The following EPS15L1 variants were observed in gnomAD, a reference collection of about 807,000 sequenced individuals.
EPS15L1 encodes epidermal growth factor receptor pathway substrate 15 like 1, also known as epidermal growth factor receptor substrate 15-like 1.
EPS15L1 carries 43 observed loss-of-function variants against 117.1 expected under a neutral mutation model. The observed-to-expected ratio is 0.37, with a 90% confidence interval of 0.29 to 0.47. The LOEUF is 0.47. Among genes scored for constraint, EPS15L1 ranks in the 20% least tolerant of loss-of-function variants. EPS15L1 has a pLI of 0.99. For synonymous variants in EPS15L1, 459 were observed against 470.5 expected (o/e 0.98, Z 0.32); for missense variants, 981 against 1,164.0 (o/e 0.84, Z 2.29).
intron 23 of EPS15L1, among the ~76,000 whole-genome samples, chr19:16,356,070 TTGAG>T (rs1434367079): frequency 6.6e-6 from 1 of 152,236 alleles, no homozygotes; most frequent in African/African-American, 2.4e-5. Flanking sequence ...ATGCATGTGA[TTGAG>T]TGTGACCTTA....
intron 17 of EPS15L1, 58 bp downstream of exon 17, chr19:16,395,286 T>C: frequency 6.5e-7 from 1 of 1,544,542 alleles, no homozygotes; most frequent in South Asian, 1.2e-5. Flanking sequence ...AGAACCACTC[T>C]AAATTCGACA....
intron 15 of EPS15L1, among the ~76,000 whole-genome samples, chr19:16,403,218 C>T (rs567986813): frequency 1.3e-5 from 2 of 152,080 alleles, no homozygotes; most frequent in African/African-American, 4.8e-5. Flanking sequence ...CTGCAGGCCA[C>T]GAGAAGCCAG....
intron 19 of EPS15L1, among the ~76,000 whole-genome samples, chr19:16,391,194 T>C (rs954198460): frequency 6.6e-5 from 10 of 151,258 alleles, no homozygotes; most frequent in Middle Eastern, 3.2e-3. Context: ...TAACCCCAAA[T>C]AAATAGGAGT....
chr19:16,441,979 G>A lies in EPS15L1; in HGVS notation c.78C>T (p.Val26=), dbSNP rs146599765. 102 of 1,611,726 alleles carry A rather than the reference G, an allele frequency of 6.3e-5. No individual in the cohort carries two copies. In the African/African-American group the frequency reaches 8.8e-4, roughly 14 times the overall value. The part of the protein sequence containing the change: ...NSLYESYYKQ[V]DPAYTGRVGA... ...CCACCCTCCCTGTGTATGCCGGATC[G>A]ACCTGAAATGGGAGACCAAGAGGCA... Residue 26 remains valine, a splice_region_variant and synonymous_variant, in exon 3 of 24, where the codon GTC becomes GTT. Transcript: ENST00000455140.
Position 16,380,074 on chromosome 19 carries a change from C to T in EPS15L1, c.2248-2820G>A, listed in dbSNP as rs116405553. The stretch of plus-strand genomic sequence containing the variant: ...GCTCCAGTGTCTAGTCACACAGATG[C>T]GGCTGCCAAAGGCTCTGGCATCTGG... On this transcript the variant is annotated intron_variant, in intron 21 of 23. Coordinates refer to ENST00000455140, the MANE Select transcript of EPS15L1 (RefSeq NM_001258374.3). Among the ~76,000 whole-genome samples, 685 of 152,168 alleles carry T rather than the reference C, an allele frequency of 4.5e-3. 8 individuals are homozygous for T. Among genetic ancestry groups the T allele is most frequent in the African/African-American group, 0.015 (640 of 41,520 alleles).
At chr19:16,463,247 A>T (rs1035219354) in intron 1 of EPS15L1, among the ~76,000 whole-genome samples, 1 of 151,870 alleles carries the variant, frequency 6.6e-6, no homozygotes, top group South Asian at 2.1e-4. Flanking sequence ...CCCACCAGGC[A>T]CTCCCACTGC....
chr19:16,466,942 G>A (rs969917046), intron 1 of EPS15L1, among the ~76,000 whole-genome samples: 5 of 151,532 alleles, frequency 3.3e-5, no homozygotes, highest in South Asian at 2.1e-4. Flanking sequence ...GAGCACATGC[G>A]TCACACGGCA....
chr19:16,469,578 T>G (rs893251751), intron 1 of EPS15L1, among the ~76,000 whole-genome samples: 4 of 151,970 alleles, frequency 2.6e-5, no homozygotes, highest in Non-Finnish European at 4.4e-5. Context: ...GAATTTACGT[T>G]GATATTCAGG....
In EPS15L1 at chr19:16,428,363, ACTCCAT is replaced by A. The variant is rs1241024347; in HGVS notation, c.558+333_558+338del. 1.3e-5 allele frequency among the ~76,000 whole-genome samples: 2 copies of A among 149,084 alleles called. 1 individual carries two copies. On this transcript the variant is annotated intron_variant, in intron 8 of 23. Transcript: ENST00000455140. Reference sequence around the variant, plus strand: ...AATGCCAGCCTGGCGATAGAGTGAGACTCCATCTAAAAACAAAAAAAAAAAGAAAGA... The same window carrying A: ...AATGCCAGCCTGGCGATAGAGTGAGACTAAAAACAAAAAAAAAAAGAAAGA...
chr19:16,408,619 C>T lies in EPS15L1; in HGVS notation c.1267-3870G>A, dbSNP rs559445188. On this transcript the variant is annotated intron_variant, in intron 13 of 23. Coordinates refer to ENST00000455140, the MANE Select transcript of EPS15L1 (RefSeq NM_001258374.3). Reference sequence around the variant, plus strand: ...TGGTTGCAGTGAGCCGAGATTGCGCCACTGCACTCCAGCCTGAGTGACAGT... The same window carrying T: ...TGGTTGCAGTGAGCCGAGATTGCGCTACTGCACTCCAGCCTGAGTGACAGT... Among the ~76,000 whole-genome samples the T allele has an allele frequency of 3.3e-5, 5 of 151,090 alleles. No individual in the cohort carries two copies. The East Asian group carries it at 9.8e-4, about 29-fold the overall frequency.
At chr19:16,433,277 A>C (rs973776186) in intron 7 of EPS15L1, among the ~76,000 whole-genome samples, 6 of 151,830 alleles carry the variant, frequency 4.0e-5, no homozygotes, top group Non-Finnish European at 7.4e-5. Context: ...ACAGGCGAAC[A>C]CCACCACACC....
intron 1 of EPS15L1, among the ~76,000 whole-genome samples, chr19:16,459,203 A>G (rs1176490234): frequency 6.6e-6 from 1 of 152,168 alleles, no homozygotes; most frequent in Admixed American, 6.6e-5. Flanking sequence ...TGCATTCCCT[A>G]TGCTTGGGGC....
intron 3 of EPS15L1, chr19:16,441,667 A>T: frequency 2.5e-6 from 1 of 392,688 alleles, no homozygotes; most frequent in Non-Finnish European, 4.5e-6. Context: ...CAAGCTATCA[A>T]GACCCCAAAA....
chr19:16,413,122 G>A, intron 13 of EPS15L1: 1 of 675,378 alleles, frequency 1.5e-6, no homozygotes, highest in Non-Finnish European at 2.7e-6. Context: ...GGTATTAAGT[G>A]CTCCAAGGAG....
chr19:16,392,113 G>A (rs1351653567), intron 19 of EPS15L1, among the ~76,000 whole-genome samples, 191 bp downstream of exon 19: 2 of 152,140 alleles, frequency 1.3e-5, no homozygotes, highest in African/African-American at 4.8e-5. Context: ...GCAGTGACTA[G>A]GCCAGTGAGC....
At chr19:16,452,492 C>T (rs1464553936) in intron 1 of EPS15L1, among the ~76,000 whole-genome samples, 1 of 150,532 alleles carries the variant, frequency 6.6e-6, no homozygotes, top group East Asian at 1.9e-4. Flanking sequence ...TAGTGGCACT[C>T]GCCTGTAGTC....
chr19:16,421,326 G>A lies in EPS15L1; in HGVS notation c.943C>T (p.His315Tyr), dbSNP rs1266669719. The change falls in exon 10 of 24, where the codon CAC becomes TAC. Residue 315 changes from histidine (H) to tyrosine (Y), a missense_variant. By Grantham distance (83) the His-to-Tyr change is moderately conservative (BLOSUM62 2). Transcript: ENST00000455140. ...CCACCTGTCCGGCCTTACCATATGT[G>A]TGCTAGAAGGTTCTGGGTGAGGCCC... ...HSGLTQNLLA[H>Y]IWALADTRQT... is the part of the protein sequence containing the mutation. The A allele has an allele frequency of 7.5e-6, 12 of 1,610,482 alleles. No individual in the cohort carries two copies. The highest frequency in any genetic ancestry group is 9.3e-6 in the Non-Finnish European group (11 of 1,177,460).
rs752655086 is a variant in EPS15L1, at chr19:16,425,305, C to T, written c.570G>A (p.Leu190=). The change falls in exon 9 of 24, where the codon TTG becomes TTA. Residue 190 remains leucine (L), a synonymous_variant. Coordinates refer to ENST00000455140, the MANE Select transcript of EPS15L1 (RefSeq NM_001258374.3). ...DRDEFAVAMH[L]VYRALEKEPV... is the part of the protein sequence containing the mutation. ...GCTCCTTCTCCAGGGCTCGGTACAC[C>T]AAGTGCATGGCCTGCAGGTGCAAAC... 13 of 1,594,576 alleles carry T rather than the reference C, an allele frequency of 8.2e-6. No individual in the cohort carries two copies. Among genetic ancestry groups the T allele is most frequent in the Non-Finnish European group, 1.1e-5 (13 of 1,169,846 alleles).
At chr19:16,378,554 C>A (rs2092324470) in intron 21 of EPS15L1, among the ~76,000 whole-genome samples, 1 of 152,196 alleles carries the variant, frequency 6.6e-6, no homozygotes, top group South Asian at 2.1e-4. Flanking sequence ...GCACTGCTCA[C>A]TGAGCCACAG....
Sources: allele counts gnomAD v4.1 joint callset (sites outside exome capture counted in the v4.1 genomes callset), GRCh38; gene constraint gnomAD v4.1.1; transcripts MANE v1.5; gene names NCBI Gene and HGNC (gene_info 2026-07-23, HGNC 2026-07-21).